Variants in SLC35F1 observed in about 807,000 individuals in gnomAD.
SLC35F1 encodes chromosome 6 open reading frame 169.
Under a neutral mutation model 48.7 loss-of-function variants are expected in SLC35F1, and 14 were observed. That is an observed-to-expected ratio of 0.29 (90% confidence interval 0.19 to 0.45). The LOEUF (loss-of-function observed/expected upper bound fraction) is 0.45. Among genes scored for constraint, SLC35F1 ranks in the 20% least tolerant of loss-of-function variants. SLC35F1 has a pLI of 1.00. For synonymous variants in SLC35F1, 190 were observed against 202.2 expected, an observed-to-expected ratio of 0.94 and a Z score of 0.51; for missense variants, 404 against 500.0, an observed-to-expected ratio of 0.81 and a Z score of 1.83.
chr6:118,264,484 C>A (rs976214564), intron 3 of SLC35F1, among the ~76,000 whole-genome samples: 1 of 152,162 alleles, frequency 6.6e-6, no homozygotes, highest in Non-Finnish European at 1.5e-5. Context: ...CCCACAGGAC[C>A]ACCTGACACT....
At chr6:118,145,253 G>C (rs762986702) in intron 1 of SLC35F1, among the ~76,000 whole-genome samples, 2 of 152,164 alleles carry the variant, frequency 1.3e-5, no homozygotes, top group Non-Finnish European at 2.9e-5. Flanking sequence ...CTTTCGATGA[G>C]TGACTCTTTT....
intron 2 of SLC35F1, among the ~76,000 whole-genome samples, chr6:118,213,180 A>T (rs1324859849): frequency 6.6e-6 from 1 of 152,206 alleles, no homozygotes; most frequent in Non-Finnish European, 1.5e-5. Context: ...TTTAATTATA[A>T]CCCACTATAT....
intron 4 of SLC35F1, among the ~76,000 whole-genome samples, chr6:118,270,174 A>G (rs1309294630): frequency 6.6e-6 from 1 of 152,168 alleles, no homozygotes; most frequent in East Asian, 1.9e-4. Context: ...AAGCACATTG[A>G]TGTCGGCCCT....
chr6:118,267,805 A>G (rs1775793849), intron 4 of SLC35F1, among the ~76,000 whole-genome samples: 1 of 152,216 alleles, frequency 6.6e-6, no homozygotes, highest in African/African-American at 2.4e-5. Flanking sequence ...TGATTCACTC[A>G]TCAAATTGCT....
At chr6:118,175,063 C>T (rs1774467153) in intron 2 of SLC35F1, among the ~76,000 whole-genome samples, 4 of 152,118 alleles carry the variant, frequency 2.6e-5, no homozygotes, top group African/African-American at 9.7e-5. Flanking sequence ...GCCTGTACTT[C>T]ATCGCATTTG....
intron 1 of SLC35F1, among the ~76,000 whole-genome samples, chr6:118,008,246 A>G (rs1014100689): frequency 6.8e-6 from 1 of 147,948 alleles, no homozygotes; most frequent in African/African-American, 2.5e-5. Flanking sequence ...TTATATACCA[A>G]TAAAATAATT....
intron 1 of SLC35F1, 142 bp from the exon 2 acceptor site, chr6:118,154,303 A>C (rs1774107453): frequency 1.5e-6 from 1 of 660,400 alleles, no homozygotes. Flanking sequence ...TCCTCGAGGG[A>C]TTGCTTTGAT....
chr6:117,949,724 A>G (rs1291954818), intron 1 of SLC35F1, among the ~76,000 whole-genome samples: 4 of 152,120 alleles, frequency 2.6e-5, no homozygotes, highest in Non-Finnish European at 5.9e-5. Context: ...TTGGTTCATA[A>G]CCTATCACTG....
At chr6:118,076,064 A>C (rs1199828912) in intron 1 of SLC35F1, among the ~76,000 whole-genome samples, 1 of 152,152 alleles carries the variant, frequency 6.6e-6, no homozygotes, top group South Asian at 2.1e-4. Context: ...GGAAAAAAAA[A>C]CAAAACAGAA....
At chr6:118,300,863 G>A (rs992690347) in intron 7 of SLC35F1, among the ~76,000 whole-genome samples, 3 of 152,044 alleles carry the variant, frequency 2.0e-5, no homozygotes, top group African/African-American at 4.8e-5. Flanking sequence ...CTCAGCTTTA[G>A]CAATGTGACT....
intron 2 of SLC35F1, among the ~76,000 whole-genome samples, chr6:118,228,139 A>G (rs1032315330): frequency 6.6e-6 from 1 of 152,218 alleles, no homozygotes; most frequent in African/African-American, 2.4e-5. Flanking sequence ...GGATCTAATA[A>G]TAAAAATAAA....
chr6:118,173,104 A>G (rs1052812249), intron 2 of SLC35F1, among the ~76,000 whole-genome samples: 3 of 152,160 alleles, frequency 2.0e-5, no homozygotes, highest in Non-Finnish European at 4.4e-5. Flanking sequence ...GTCATCTTAC[A>G]GATGAGACTC....
Position 118,267,099 on chromosome 6 carries a change from G to A in SLC35F1, c.582G>A (p.Leu194=). The A allele has an allele frequency of 1.2e-6, 2 of 1,614,056 alleles. No individual in the cohort carries two copies. Among genetic ancestry groups the A allele is most frequent in the South Asian group, 1.1e-5 (1 of 91,082 alleles). The part of the protein sequence containing the change: ...VHFIGIVVCI[L]GMGCMVGADV... ...TCATCGGCATCGTTGTCTGCATCCT[G>A]GGAATGGGCTGCATGGTGGGAGCAG... is the stretch of plus-strand genomic sequence containing the variant. The change falls in exon 4 of 8, where the codon CTG becomes CTA. Residue 194 remains leucine, a synonymous_variant. Transcript: ENST00000360388.
chr6:118,180,943 T>G (rs2114509839), intron 2 of SLC35F1, among the ~76,000 whole-genome samples: 1 of 151,996 alleles, frequency 6.6e-6, no homozygotes, highest in Admixed American at 6.6e-5. Context: ...GGAGACAATC[T>G]TACACAAAAC....
intron 1 of SLC35F1, among the ~76,000 whole-genome samples, chr6:118,017,829 A>T (rs9489296): frequency 0.16 from 23,781 of 152,180 alleles, 2,186 homozygotes; most frequent in Middle Eastern, 0.23. Context: ...ATCAAATTTT[A>T]AAAAATGCAT....
chr6:117,979,384 A>C (rs1309970098), intron 1 of SLC35F1, among the ~76,000 whole-genome samples: 1 of 152,212 alleles, frequency 6.6e-6, no homozygotes, highest in Non-Finnish European at 1.5e-5. Flanking sequence ...AATACTGTTA[A>C]GATTTAACTG....
intron 1 of SLC35F1, among the ~76,000 whole-genome samples, chr6:117,962,869 A>G (rs1328796163): frequency 6.6e-6 from 1 of 152,224 alleles, no homozygotes; most frequent in Non-Finnish European, 1.5e-5. Flanking sequence ...AAGCTCTGCT[A>G]CATGTGTGAA....
chr6:117,965,695 G>A (rs1040548833), intron 1 of SLC35F1, among the ~76,000 whole-genome samples: 3 of 152,160 alleles, frequency 2.0e-5, no homozygotes, highest in African/African-American at 4.8e-5. Flanking sequence ...CAGACTGGGT[G>A]GCTTAAATGA....
At chr6:118,028,159 C>T (rs1192856282) in intron 1 of SLC35F1, among the ~76,000 whole-genome samples, 2 of 152,066 alleles carry the variant, frequency 1.3e-5, no homozygotes, top group African/African-American at 4.8e-5. Flanking sequence ...TATACATTGT[C>T]CTGTTTTATT....
Sources: gnomAD v4.1 joint callset for allele counts (sites outside exome capture counted in the v4.1 genomes callset) on GRCh38, gnomAD v4.1.1 for gene constraint, MANE v1.5 for transcripts, NCBI Gene and HGNC (gene_info 2026-07-23, HGNC 2026-07-21) for gene names.